The following ANKRD18A variants were observed in gnomAD, a reference collection of about 807,000 sequenced individuals.
ANKRD18A encodes the protein ankyrin repeat domain-containing protein 18A.
In ANKRD18A, 72 loss-of-function variants were observed where a neutral mutation model predicts 110.6. The observed-to-expected ratio is 0.65, with a 90% CI of 0.54 to 0.79. The LOEUF is 0.79. Among genes scored for constraint, ANKRD18A ranks in the 30% least tolerant of loss-of-function variants. The pLI is 0.00. For synonymous variants in ANKRD18A, 305 were observed against 410.3 expected, an observed-to-expected ratio of 0.74 and a Z score of 3.10; for missense variants, 934 against 1,163.3, an observed-to-expected ratio of 0.80 and a Z score of 2.87.
At chr9:38,613,711 T>C (rs962229554) in intron 3 of ANKRD18A, among the ~76,000 whole-genome samples, 3 of 152,220 alleles carry the variant, frequency 2.0e-5, no homozygotes, top group Non-Finnish European at 4.4e-5. Flanking sequence ...GACATCCTGA[T>C]AATGCCAAAG....
At position 38,597,346 on chromosome 9, in the gene ANKRD18A, C is replaced by T. The variant is rs532985419; in HGVS notation, c.937-943G>A. On this transcript the variant is annotated intron_variant, in intron 8 of 15. Coordinates refer to ENST00000399703, the MANE Select transcript of ANKRD18A (RefSeq NM_147195.4). ...GAAGGTGCTCATTGAAATAGAGGAA[C>T]CAAAGTTTGCCACAACACAAGGAGC... Among the ~76,000 whole-genome samples, 14 of 152,212 alleles carry T rather than the reference C, an allele frequency of 9.2e-5. No individual in the cohort carries two copies. In the East Asian group the frequency reaches 2.7e-3, roughly 29 times the overall value.
chr9:38,605,076 A>G lies in ANKRD18A; in HGVS notation c.809-1864T>C, dbSNP rs1462170333. ...CCACAAACGTAAACGTGCCTGGCAC[A>G]TACTGAACGTGATACATATGTAATA... On this transcript the variant is annotated intron_variant, in intron 6 of 15. Transcript: ENST00000399703. 5.3e-5 allele frequency among the ~76,000 whole-genome samples: 8 copies of G among 152,258 alleles called. No homozygotes were observed. In the East Asian group the frequency reaches 1.5e-3, roughly 29 times the overall value.
intron 11 of ANKRD18A, among the ~76,000 whole-genome samples, chr9:38,587,664 A>C (rs1220414487): frequency 1.3e-5 from 2 of 152,332 alleles, no homozygotes; most frequent in East Asian, 3.9e-4. Flanking sequence ...ATTTGAATGC[A>C]GCAGAGAAGA....
chr9:38,585,289 T>C (rs1167633073), intron 12 of ANKRD18A, among the ~76,000 whole-genome samples: 8 of 152,212 alleles, frequency 5.3e-5, no homozygotes, highest in African/African-American at 1.9e-4. Context: ...CCTTCCTTTA[T>C]ACCTATTTCC....
At chr9:38,589,852 C>T (rs1824561329) in intron 10 of ANKRD18A, among the ~76,000 whole-genome samples, 2 of 152,292 alleles carry the variant, frequency 1.3e-5, no homozygotes, top group South Asian at 2.1e-4. Context: ...TTTTTAAATT[C>T]TCTCAGAACT....
Position 38,607,445 on chromosome 9 carries a change from A to G in ANKRD18A, c.789T>C (p.His263=). Residue 263 remains histidine (H), a synonymous_variant, in exon 6 of 16, where the codon CAT becomes CAC. Transcript: ENST00000399703. The part of the protein sequence containing the change: ...LEHKNKMLKN[H]LRNDNQETAA... Reference sequence around the variant, plus strand: ...TCTTACCTTGATTGTCATTTCGAAGATGATTTTTAAGCATTTTATTTTTAT... The same window carrying G: ...TCTTACCTTGATTGTCATTTCGAAGGTGATTTTTAAGCATTTTATTTTTAT... The G allele has an allele frequency of 1.3e-6, 2 of 1,503,974 alleles. No individual in the cohort carries two copies. Among genetic ancestry groups the G allele is most frequent in the Non-Finnish European group, 1.8e-6 (2 of 1,122,568 alleles). The allele number at this position is 1,503,974 out of a possible 1,614,324, so 93.2% of individuals were successfully genotyped here. A position where few individuals can be genotyped will look rare whatever the true frequency, so the allele number is the denominator to read the frequency against.
chr9:38,590,152 TTTC>T (rs1193712130), intron 10 of ANKRD18A, among the ~76,000 whole-genome samples: 2 of 152,042 alleles, frequency 1.3e-5, no homozygotes, highest in African/African-American at 4.8e-5. Flanking sequence ...TTTCTTTTTC[TTTC>T]TTTCTTTCTT....
At chr9:38,574,505 C>T (rs757937101) in intron 15 of ANKRD18A, among the ~76,000 whole-genome samples, 7 of 151,864 alleles carry the variant, frequency 4.6e-5, no homozygotes, top group African/African-American at 9.7e-5. Context: ...TTAGTAGAGA[C>T]GGGGTTTCAT....
Position 38,610,375 on chromosome 9 carries a change from G to C in ANKRD18A, c.638C>G (p.Ser213Ter). 1 of 1,550,400 alleles carries C rather than the reference G, an allele frequency of 6.4e-7. No individual in the cohort carries two copies. Among genetic ancestry groups the C allele is most frequent in the Non-Finnish European group, 8.7e-7 (1 of 1,146,596 alleles). Residue 213 changes from serine to a stop codon, truncating the protein, a stop_gained, in exon 5 of 16, where the codon TCA (serine) becomes TGA (stop). Coordinates refer to ENST00000399703, the MANE Select transcript of ANKRD18A (RefSeq NM_147195.4). LOFTEE classifies it high-confidence loss of function. ...TTGAAGCAGGAGGGTGACGATACTT[G>C]ACAAGTTATGCTGTACTGCAAGTAT... ...ALILAVQHNL[S>*]SIVTLLLQQN... is the part of the protein sequence containing the mutation.
At chr9:38,586,768 T>C (rs1446043155) in intron 11 of ANKRD18A, among the ~76,000 whole-genome samples, 2 of 152,174 alleles carry the variant, frequency 1.3e-5, no homozygotes, top group Non-Finnish European at 2.9e-5. Flanking sequence ...TTCACCATGT[T>C]GGTCAGGCTG....
At chr9:38,575,920 G>GCTT (rs1823874456) in intron 14 of ANKRD18A, among the ~76,000 whole-genome samples, 1 of 152,198 alleles carries the variant, frequency 6.6e-6, no homozygotes, top group Admixed American at 6.5e-5. Flanking sequence ...TACTGAACAA[G>GCTT]CAGTTCAAAG....
downstream of ANKRD18A, among the ~76,000 whole-genome samples, chr9:38,570,560 G>A (rs559658167): frequency 2.1e-3 from 317 of 152,292 alleles, 3 homozygotes; most frequent in Non-Finnish European, 3.5e-3. Flanking sequence ...TCACTGAGGC[G>A]GCCACCACTA....
chr9:38,596,462 T>C (rs1443924461), intron 8 of ANKRD18A, 59 bp from the exon 9 acceptor site: 1 of 1,316,928 alleles, frequency 7.6e-7, no homozygotes, highest in Non-Finnish European at 1.0e-6. Context: ...ATGATGGTTA[T>C]TTCTGAAGTG....
chr9:38,620,315 G>A lies in ANKRD18A; in HGVS notation c.-30C>T, dbSNP rs1320044451. 6.5e-7 allele frequency: 1 copy of A among 1,535,558 alleles called. No individual in the cohort carries two copies. Among genetic ancestry groups the A allele is most frequent in the African/African-American group, 1.4e-5 (1 of 72,270 alleles). Reference sequence around the variant, plus strand: ...GCGACTTCTCAGACGCCCACCACCCGCTCCTGAGCCGCGGCGGCTCCTCGT... The same window carrying A: ...GCGACTTCTCAGACGCCCACCACCCACTCCTGAGCCGCGGCGGCTCCTCGT... On this transcript the variant is annotated 5_prime_UTR_variant, in exon 1 of 16. Coordinates refer to ENST00000399703, the MANE Select transcript of ANKRD18A (RefSeq NM_147195.4).
At chr9:38,598,376 T>C (rs1824979776) in intron 8 of ANKRD18A, among the ~76,000 whole-genome samples, 2 of 152,176 alleles carry the variant, frequency 1.3e-5, no homozygotes, top group South Asian at 4.1e-4. Context: ...TCCAGAACCG[T>C]CATTTAGATA....
chr9:38,617,021 G>C (rs925729785), intron 1 of ANKRD18A, among the ~76,000 whole-genome samples: 1 of 152,166 alleles, frequency 6.6e-6, no homozygotes, highest in African/African-American at 2.4e-5. Context: ...TACACAGCAG[G>C]TCTAGGGCAA....
In ANKRD18A at chr9:38,603,186, A is replaced by G. The variant is rs1312616196; in HGVS notation, c.835T>C (p.Leu279=). 1.9e-6 allele frequency: 3 copies of G among 1,551,018 alleles called. No homozygotes were observed. The highest frequency in any genetic ancestry group is 4.9e-5 in the East Asian group (2 of 40,890). ...TTTGCACGTTCTTTTCTTTTTTTCA[A>G]ATTTGCAGGCTTCATAGCTGCTGTT... ...QETAAMKPAN[L]KKRKERAKAE... Residue 279 remains leucine (L), a synonymous_variant, in exon 7 of 16, where the codon TTG becomes CTG. Transcript: ENST00000399703.
At chr9:38,597,762 A>G (rs1824950415) in intron 8 of ANKRD18A, among the ~76,000 whole-genome samples, 1 of 152,172 alleles carries the variant, frequency 6.6e-6, no homozygotes, top group Non-Finnish European at 1.5e-5. Context: ...ATTTTTGTCT[A>G]TCTTTAGAAC....
chr9:38,620,414 TC>T lies in ANKRD18A; in HGVS notation c.-130del. Reference sequence around the variant, plus strand: ...CCGCGATCCCCCCCGCAACCCGCGATCCACCCCCAAATCCAAGATCCACCCC... The same window carrying T: ...CCGCGATCCCCCCCGCAACCCGCGATCACCCCCAAATCCAAGATCCACCCC... On this transcript the variant is annotated 5_prime_UTR_variant, in exon 1 of 16. Transcript: ENST00000399703. 1 of 1,046,238 alleles carries T rather than the reference TC, an allele frequency of 9.6e-7. No individual in the cohort carries two copies. Among genetic ancestry groups the T allele is most frequent in the African/African-American group, 2.3e-5 (1 of 43,866 alleles). The allele number at this position is 1,046,238 out of a possible 1,614,324, so 64.8% of individuals were successfully genotyped here.
Sources: allele counts gnomAD v4.1 joint callset (sites outside exome capture counted in the v4.1 genomes callset), GRCh38; gene constraint gnomAD v4.1.1; transcripts MANE v1.5; gene names NCBI Gene and HGNC (gene_info 2026-07-23, HGNC 2026-07-21).